The following MYZAP variants were observed in gnomAD, a reference collection of about 807,000 sequenced individuals.
The protein encoded by MYZAP is GRINL1A complex locus upstream.
In MYZAP, 66 loss-of-function variants were observed where a neutral mutation model predicts 69.4. The observed-to-expected ratio is 0.95, with a 90% confidence interval of 0.78 to 1.17. The LOEUF (loss-of-function observed/expected upper bound fraction) is 1.17, where lower values mean the gene tolerates loss of function less well. MYZAP is among the 50% of genes most tolerant of loss of function. MYZAP has a pLI of 0.00. For missense variants in MYZAP, 611 were observed against 556.2 expected, an observed-to-expected ratio of 1.10 and a Z score of -0.99; for synonymous variants, 256 against 205.9, an observed-to-expected ratio of 1.24 and a Z score of -2.09.
chr15:57,610,607 T>G (rs977410975), intron 2 of MYZAP, among the ~76,000 whole-genome samples: 4 of 152,238 alleles, frequency 2.6e-5, no homozygotes, highest in South Asian at 4.1e-4. Context: ...CTTTGCTGCT[T>G]CTTCTAGCAA....
intron 1 of MYZAP, among the ~76,000 whole-genome samples, chr15:57,598,027 G>C (rs1220641929): frequency 6.6e-6 from 1 of 152,182 alleles, no homozygotes; most frequent in East Asian, 1.9e-4. Flanking sequence ...AATTTCCTTA[G>C]GGAAATCCAT....
At chr15:57,625,439 TG>T (rs1384773392) in intron 4 of MYZAP, among the ~76,000 whole-genome samples, 6 of 152,220 alleles carry the variant, frequency 3.9e-5, no homozygotes, top group African/African-American at 1.4e-4. Flanking sequence ...TTATTTCAAC[TG>T]GGTTCTAGTT....
At chr15:57,613,677 A>T (rs1179600638) in intron 2 of MYZAP, among the ~76,000 whole-genome samples, 2 of 152,170 alleles carry the variant, frequency 1.3e-5, no homozygotes, top group African/African-American at 4.8e-5. Context: ...GGCCATAAGG[A>T]GGTTTTAAAA....
At chr15:57,611,517 C>G (rs965219072) in intron 2 of MYZAP, among the ~76,000 whole-genome samples, 1 of 152,122 alleles carries the variant, frequency 6.6e-6, no homozygotes, top group Non-Finnish European at 1.5e-5. Context: ...TGTGTACTAG[C>G]TGCACACTAG....
chr15:57,675,867 T>G (rs1399152352), intron 12 of MYZAP, among the ~76,000 whole-genome samples: 2 of 152,166 alleles, frequency 1.3e-5, no homozygotes, highest in Admixed American at 6.5e-5. Flanking sequence ...ACTTGTGATT[T>G]AGGTAATCAA....
At chr15:57,621,586 C>T (rs759093310) in intron 3 of MYZAP, 22 bp from the exon 4 acceptor site, 13 of 1,609,686 alleles carry the variant, frequency 8.1e-6, no homozygotes, top group Non-Finnish European at 1.1e-5. Flanking sequence ...TGATCTCTAA[C>T]TAGTATCTTT....
At chr15:57,682,274 G>T (rs1415232047) in intron 12 of MYZAP, among the ~76,000 whole-genome samples, 1 of 152,120 alleles carries the variant, frequency 6.6e-6, no homozygotes, top group Admixed American at 6.5e-5. Flanking sequence ...AGATTTTTAT[G>T]GGTTAAACCT....
intron 10 of MYZAP, among the ~76,000 whole-genome samples, chr15:57,657,994 T>G (rs1460152472): frequency 2.0e-5 from 3 of 152,206 alleles, no homozygotes; most frequent in African/African-American, 7.2e-5. Context: ...TGTCTTTAAC[T>G]ATTATTAACA....
Position 57,684,586 on chromosome 15 carries a change from C to T in MYZAP, c.*88C>T, listed in dbSNP as rs1323784530. Reference sequence around the variant, plus strand: ...CCTTTGGGAAGGGTGACTGTTGTTTCCCCTACACACAGTGTAAGCCGGAAT... The same window carrying T: ...CCTTTGGGAAGGGTGACTGTTGTTTTCCCTACACACAGTGTAAGCCGGAAT... On this transcript the variant is annotated 3_prime_UTR_variant, in exon 13 of 13. Transcript: ENST00000267853. 1.2e-6 allele frequency: 1 copy of T among 811,548 alleles called. No homozygotes were observed. The highest frequency in any genetic ancestry group is 2.0e-6 in the Non-Finnish European group (1 of 489,950). 50.3% of individuals were successfully genotyped at this position (811,548 alleles called of 1,614,324 possible). A position where few individuals can be genotyped will look rare whatever the true frequency, so the allele number is the denominator to read the frequency against.
intron 1 of MYZAP, among the ~76,000 whole-genome samples, chr15:57,594,892 T>A (rs117787943): frequency 0.011 from 1,603 of 152,350 alleles, 18 homozygotes; most frequent in South Asian, 0.042. Context: ...AATACTGTAT[T>A]GTTCTGTTAT....
At chr15:57,592,926 T>A (rs1402429226) in intron 1 of MYZAP, among the ~76,000 whole-genome samples, 3 of 152,194 alleles carry the variant, frequency 2.0e-5, no homozygotes, top group African/African-American at 7.2e-5. Context: ...TTGCTCTGAT[T>A]GAGACTTCTG....
intron 3 of MYZAP, among the ~76,000 whole-genome samples, chr15:57,621,210 T>TTA (rs1435327982): frequency 6.9e-6 from 1 of 145,942 alleles, no homozygotes; most frequent in Non-Finnish European, 1.5e-5. Context: ...TTTTTCTTTT[T>TTA]TTTTTTTTTT....
chr15:57,593,299 T>C (rs2033844941), intron 1 of MYZAP, among the ~76,000 whole-genome samples: 1 of 151,606 alleles, frequency 6.6e-6, no homozygotes, highest in South Asian at 2.1e-4. Flanking sequence ...AAGATCTACA[T>C]TGGGTCCAAG....
At chr15:57,654,002 CAAAAAAAAA>C (rs398043344) in intron 10 of MYZAP, among the ~76,000 whole-genome samples, 11 of 36,092 alleles carry the variant, frequency 3.0e-4, no homozygotes, top group East Asian at 3.0e-3. Flanking sequence ...CAAACGCTGT[CAAAAAAAAA>C]AAAAAAAAAA....
At chr15:57,604,493 C>T (rs1470312044) in intron 2 of MYZAP, 138 bp downstream of exon 2, 1 of 832,490 alleles carries the variant, frequency 1.2e-6, no homozygotes, top group African/African-American at 1.7e-5. Context: ...TCAACCTTCC[C>T]ACCTCATCTC....
chr15:57,610,430 A>G (rs1488561692), intron 2 of MYZAP, among the ~76,000 whole-genome samples: 1 of 152,146 alleles, frequency 6.6e-6, no homozygotes, highest in African/African-American at 2.4e-5. Flanking sequence ...GCCATGATTC[A>G]GAGCTTCAGG....
intron 12 of MYZAP, chr15:57,680,646 G>A (rs919363675): frequency 2.0e-5 from 3 of 152,088 alleles, no homozygotes; most frequent in Non-Finnish European, 4.4e-5. Context: ...AAACAAAAAC[G>A]AAAGGAAAAG....
At chr15:57,614,416 G>A (rs557741956) in intron 2 of MYZAP, among the ~76,000 whole-genome samples, 3 of 152,362 alleles carry the variant, frequency 2.0e-5, no homozygotes, top group African/African-American at 7.2e-5. Context: ...GGTGAGTGTC[G>A]TGGGGAAGTG....
intron 9 of MYZAP, 109 bp from the exon 10 acceptor site, chr15:57,639,331 G>A (rs1031373941): frequency 4.2e-6 from 5 of 1,186,640 alleles, no homozygotes; most frequent in Non-Finnish European, 5.9e-6. Context: ...ACAGGCATGA[G>A]CCGCCATGCT....
Sources: gnomAD v4.1 joint callset for allele counts (sites outside exome capture counted in the v4.1 genomes callset) on GRCh38, gnomAD v4.1.1 for gene constraint, MANE v1.5 for transcripts, NCBI Gene and HGNC (gene_info 2026-07-23, HGNC 2026-07-21) for gene names.